Variants in OTUD7A observed in about 807,000 individuals in gnomAD.
OTUD7A encodes OTU deubiquitinase 7A, also known as OTU domain-containing protein 7A.
Under a neutral mutation model 65.7 loss-of-function variants are expected in OTUD7A, and 12 were observed. The observed-to-expected ratio is 0.18, with a 90% CI of 0.12 to 0.30. The LOEUF (loss-of-function observed/expected upper bound fraction) is 0.30. Among genes scored for constraint, OTUD7A ranks in the 10% least tolerant of loss-of-function variants. The pLI is 1.00. For synonymous variants in OTUD7A, 641 were observed against 586.3 expected (o/e 1.09, Z -1.35); for missense variants, 1,148 against 1,304.8 (o/e 0.88, Z 1.85).
chr15:31,551,670 G>T (rs542182940), intron 5 of OTUD7A, among the ~76,000 whole-genome samples: 1 of 152,156 alleles, frequency 6.6e-6, no homozygotes, highest in Non-Finnish European at 1.5e-5. Flanking sequence ...AAAACAAAAC[G>T]TGACAATTCT....
chr15:31,532,656 G>A (rs1472411793), intron 5 of OTUD7A, among the ~76,000 whole-genome samples: 3 of 152,220 alleles, frequency 2.0e-5, no homozygotes, highest in Non-Finnish European at 4.4e-5. Context: ...GGCCAGGCGC[G>A]GTGGCTCACG....
intron 1 of OTUD7A, among the ~76,000 whole-genome samples, chr15:31,811,953 C>T (rs1896428640): frequency 2.0e-5 from 3 of 152,242 alleles, no homozygotes; most frequent in South Asian, 2.1e-4. Context: ...GAGCCCACCC[C>T]TGAGGAGACC....
chr15:31,487,107 G>A lies in OTUD7A; in HGVS notation c.1371+87C>T. The A allele has an allele frequency of 2.3e-6, 3 of 1,322,464 alleles. No homozygotes were observed. Among genetic ancestry groups the A allele is most frequent in the Admixed American group, 3.8e-5 (2 of 52,078 alleles). The allele number at this position is 1,322,464 out of a possible 1,614,324, so 81.9% of individuals were successfully genotyped here. Reference sequence around the variant, plus strand: ...GGCAGGGGCAGGCAAGAGTGTGGGAGCATTTGGGAGGATGCACCCTGGTCA... The same window carrying A: ...GGCAGGGGCAGGCAAGAGTGTGGGAACATTTGGGAGGATGCACCCTGGTCA... On this transcript the variant is annotated intron_variant, in intron 12 of 12. Coordinates refer to ENST00000307050, the MANE Select transcript of OTUD7A (RefSeq NM_001382637.1). This position sits in a 1 kb window ranked among gnomAD's most constrained non-coding sequence, Gnocchi z 6.0.
In OTUD7A at chr15:31,484,072, T is replaced by TCGGCGCTGAAGCGCTCCTGCG; in HGVS notation, c.2003_2023dup (p.Ala668_Ala674dup). 6.4e-7 allele frequency: 1 copy of TCGGCGCTGAAGCGCTCCTGCG among 1,567,504 alleles called. No homozygotes were observed. The highest frequency in any genetic ancestry group is 1.2e-5 in the South Asian group (1 of 86,762). ...GGCGTCGCGGCGCCGCTGCTCCTGCTCGGCGCTGAAGCGCTCCTGCGCGCT... is the reference window on the plus strand; with the variant it reads ...GGCGTCGCGGCGCCGCTGCTCCTGCTCGGCGCTGAAGCGCTCCTGCGCGGCGCTGAAGCGCTCCTGCGCGCT... On this transcript the variant is annotated inframe_insertion, in exon 13 of 13. Transcript: ENST00000307050. The surrounding 1 kb of genome is among the most constrained non-coding windows in gnomAD (Gnocchi z 4.5).
intron 1 of OTUD7A, among the ~76,000 whole-genome samples, chr15:31,691,248 A>G (rs1309725390): frequency 1.3e-5 from 2 of 152,238 alleles, no homozygotes; most frequent in South Asian, 2.1e-4. Context: ...CCTGAAATTC[A>G]TATGAAACCA....
chr15:31,573,007 T>C (rs1889098437), intron 3 of OTUD7A, among the ~76,000 whole-genome samples: 1 of 152,258 alleles, frequency 6.6e-6, no homozygotes, highest in South Asian at 2.1e-4. Context: ...TTTTGAAATA[T>C]TTGATTTTAC....
intron 1 of OTUD7A, among the ~76,000 whole-genome samples, chr15:31,855,137 C>A (rs1214961735): frequency 6.6e-6 from 1 of 151,664 alleles, no homozygotes; most frequent in Non-Finnish European, 1.5e-5. Context: ...AATAAACTGA[C>A]TTATCTCTGT....
At chr15:31,591,443 A>T (rs1471012229) in intron 3 of OTUD7A, among the ~76,000 whole-genome samples, 6 of 152,180 alleles carry the variant, frequency 3.9e-5, no homozygotes, top group Admixed American at 3.9e-4. Context: ...GGCAACGCAC[A>T]TTGCCCTCCC....
At chr15:31,655,761 C>T (rs1256367841) in intron 2 of OTUD7A, among the ~76,000 whole-genome samples, 2 of 152,214 alleles carry the variant, frequency 1.3e-5, no homozygotes, top group African/African-American at 4.8e-5. Flanking sequence ...CCTGAACTTA[C>T]ATTTTATTAA....
intron 3 of OTUD7A, among the ~76,000 whole-genome samples, chr15:31,645,375 C>G (rs992817557): frequency 3.3e-5 from 5 of 152,158 alleles, no homozygotes; most frequent in African/African-American, 1.2e-4. Flanking sequence ...CTGGTGCTGT[C>G]TGTTTTAAAA....
At chr15:31,862,571 G>A (rs1382619638) in intron 1 of OTUD7A, among the ~76,000 whole-genome samples, 7 of 152,204 alleles carry the variant, frequency 4.6e-5, no homozygotes, top group East Asian at 1.9e-4. Flanking sequence ...AAGCAAAAGC[G>A]GAAACCCCTG....
intron 5 of OTUD7A, chr15:31,558,593 C>G (rs999417575): frequency 4.1e-6 from 1 of 244,814 alleles, no homozygotes; most frequent in Non-Finnish European, 7.9e-6. Flanking sequence ...CAGGAAGTGG[C>G]GGGTCTCCCG....
chr15:31,540,655 A>G (rs1887958855), intron 5 of OTUD7A, among the ~76,000 whole-genome samples: 1 of 152,216 alleles, frequency 6.6e-6, no homozygotes, highest in African/African-American at 2.4e-5. Context: ...AGGGCGTGGC[A>G]TATAGAAAGC....
At chr15:31,863,134 G>A (rs1042772861) in intron 1 of OTUD7A, among the ~76,000 whole-genome samples, 6 of 152,192 alleles carry the variant, frequency 3.9e-5, no homozygotes, top group Admixed American at 2.6e-4. Context: ...ATGGATGCCC[G>A]TGGTCTTGTG....
At chr15:31,561,129 C>G (rs140940683) in intron 4 of OTUD7A, among the ~76,000 whole-genome samples, 111 of 152,304 alleles carry the variant, frequency 7.3e-4, no homozygotes, top group African/African-American at 2.6e-3. Context: ...CAGAGACCAA[C>G]AGGATTAAGT....
At chr15:31,757,784 C>T (rs1219328904) in intron 1 of OTUD7A, among the ~76,000 whole-genome samples, 1 of 152,134 alleles carries the variant, frequency 6.6e-6, no homozygotes, top group Admixed American at 6.5e-5. Flanking sequence ...TAAGGAAGCC[C>T]TTTAAAATAA....
At chr15:31,488,198 C>T (rs923962294) in intron 10 of OTUD7A, among the ~76,000 whole-genome samples, 6 of 152,088 alleles carry the variant, frequency 3.9e-5, no homozygotes, top group Non-Finnish European at 7.4e-5. Context: ...AAGCCTTTTT[C>T]GGATGGGGTC....
intron 1 of OTUD7A, among the ~76,000 whole-genome samples, chr15:31,833,278 C>T (rs1437045861): frequency 6.6e-6 from 1 of 152,186 alleles, no homozygotes; most frequent in East Asian, 1.9e-4. Context: ...GAGGCTCTTT[C>T]TCCTCAAAAT....
chr15:31,686,767 T>G (rs888263301), intron 1 of OTUD7A, among the ~76,000 whole-genome samples: 3 of 152,202 alleles, frequency 2.0e-5, no homozygotes, highest in Non-Finnish European at 4.4e-5. Flanking sequence ...GGCCATCCCT[T>G]CAAGCTCAGC....
Sources: gnomAD v4.1 joint callset for allele counts (sites outside exome capture counted in the v4.1 genomes callset) on GRCh38, gnomAD v4.1.1 for gene constraint, Gnocchi (gnomAD v3.1) non-coding constraint, MANE v1.5 for transcripts, NCBI Gene and HGNC (gene_info 2026-07-23, HGNC 2026-07-21) for gene names.